TRAPPC9: variants seen among roughly 807,000 people sequenced by gnomAD.
TRAPPC9 encodes trafficking protein particle complex subunit 9, also known as IKK2 binding protein.
TRAPPC9 carries 83 observed loss-of-function variants against 124.0 expected under a neutral mutation model. That is an observed-to-expected ratio of 0.67 (90% CI 0.56 to 0.80). The LOEUF is 0.80. Among genes scored for constraint, TRAPPC9 ranks in the 30% least tolerant of loss-of-function variants. TRAPPC9 has a pLI of 0.00. For missense variants in TRAPPC9, 1,302 were observed against 1,508.3 expected (o/e 0.86, Z 2.27); for synonymous variants, 638 against 617.5 (o/e 1.03, Z -0.49).
At chr8:140,111,669 G>A (rs898147602) in intron 17 of TRAPPC9, among the ~76,000 whole-genome samples, 8 of 152,224 alleles carry the variant, frequency 5.3e-5, no homozygotes, top group African/African-American at 1.9e-4. Context: ...GAGTCCCAAT[G>A]TGTGTATGAG....
At chr8:139,814,397 G>C (rs775295464) in intron 21 of TRAPPC9, among the ~76,000 whole-genome samples, 1 of 152,180 alleles carries the variant, frequency 6.6e-6, no homozygotes, top group Non-Finnish European at 1.5e-5. Context: ...CTCAGCTTGG[G>C]AGAGCAGACT....
intron 21 of TRAPPC9, among the ~76,000 whole-genome samples, chr8:139,858,941 G>A (rs940890628): frequency 9.5e-5 from 14 of 147,524 alleles, no homozygotes; most frequent in African/African-American, 3.0e-4. Context: ...TCTAGAAGCC[G>A]TCTCCTCTGC....
intron 21 of TRAPPC9, among the ~76,000 whole-genome samples, chr8:139,813,193 C>A (rs1269107761): frequency 1.3e-5 from 2 of 152,228 alleles, no homozygotes; most frequent in Non-Finnish European, 1.5e-5. Flanking sequence ...GCAAACTAGG[C>A]CCACTCTGAT....
chr8:140,252,950 G>A lies in TRAPPC9; in HGVS notation c.2279-21C>T, dbSNP rs753391169. On this transcript the variant is annotated intron_variant, in intron 15 of 22. Transcript: ENST00000438773. This position sits in a 1 kb window ranked among gnomAD's most constrained non-coding sequence, Gnocchi z 4.2. Reference sequence around the variant, plus strand: ...TTTTTCTGTAATAATAACAATGACAGTGATGAGGATGCTGTAACTGAGGCA... The same window carrying A: ...TTTTTCTGTAATAATAACAATGACAATGATGAGGATGCTGTAACTGAGGCA... The A allele has an allele frequency of 1.7e-5, 27 of 1,612,952 alleles. No individual in the cohort carries two copies. Among genetic ancestry groups the A allele is most frequent in the Non-Finnish European group, 2.3e-5 (27 of 1,179,728 alleles).
rs779503724 is a variant in TRAPPC9, at chr8:139,732,215, C to T, written c.3056-13G>A. On this transcript the variant is annotated splice_polypyrimidine_tract_variant and intron_variant, in intron 21 of 22. Coordinates refer to ENST00000438773, the MANE Select transcript of TRAPPC9 (RefSeq NM_001160372.4). ...TCCACCAGCACATCTGTAAGGGACA[C>T]GAGACTGTCGGGGGCTGGGCTGGCC... is the stretch of plus-strand genomic sequence containing the variant. 53 of 1,568,020 alleles carry T rather than the reference C, an allele frequency of 3.4e-5. No individual in the cohort carries two copies. The highest frequency in any genetic ancestry group is 1.6e-4 in the Admixed American group (9 of 56,006).
chr8:139,921,575 C>G (rs1015574642), intron 19 of TRAPPC9, among the ~76,000 whole-genome samples: 1 of 152,030 alleles, frequency 6.6e-6, no homozygotes, highest in African/African-American at 2.4e-5. Context: ...GAAGTGTTGA[C>G]CAAGTTAAGA....
intron 15 of TRAPPC9, among the ~76,000 whole-genome samples, chr8:140,274,893 A>G (rs1459269792): frequency 6.6e-6 from 1 of 152,214 alleles, no homozygotes; most frequent in Non-Finnish European, 1.5e-5. Flanking sequence ...TCAAAAGCAC[A>G]TAAAACACCC....
chr8:140,302,897 C>G (rs2066022043), intron 10 of TRAPPC9: 1 of 152,144 alleles, frequency 6.6e-6, no homozygotes, highest in Non-Finnish European at 1.5e-5. Flanking sequence ...ATCCTGAATG[C>G]TGCTATACAT....
At chr8:139,970,091 T>G (rs1835965825) in intron 19 of TRAPPC9, among the ~76,000 whole-genome samples, 1 of 152,214 alleles carries the variant, frequency 6.6e-6, no homozygotes, top group Non-Finnish European at 1.5e-5. Flanking sequence ...CAGCCTGTTT[T>G]CTACGAGACC....
At chr8:140,332,603 T>C (rs1159171321) in intron 9 of TRAPPC9, among the ~76,000 whole-genome samples, 1 of 152,058 alleles carries the variant, frequency 6.6e-6, no homozygotes, top group Non-Finnish European at 1.5e-5. Flanking sequence ...AATTACTGTA[T>C]CAATTAAAAA....
At position 140,269,557 on chromosome 8, in the gene TRAPPC9, T is replaced by TA. The variant is rs1399978566; in HGVS notation, c.2278+6100dup. 1.4e-3 allele frequency among the ~76,000 whole-genome samples: 32 copies of TA among 23,458 alleles called. 1 individual carries two copies. The highest frequency in any genetic ancestry group is 7.0e-3 in the South Asian group (8 of 1,148). 15.4% of individuals were successfully genotyped at this position (23,458 alleles called of 152,430 possible). On this transcript the variant is annotated intron_variant, in intron 15 of 22. Coordinates refer to ENST00000438773, the MANE Select transcript of TRAPPC9 (RefSeq NM_001160372.4). Reference sequence around the variant, plus strand: ...CTCTGTCTCAAAAAATAAAATAAAATAAATAAATAAATAAATAAATAAATA... The same window carrying TA: ...CTCTGTCTCAAAAAATAAAATAAAATAAAATAAATAAATAAATAAATAAATA...
intron 10 of TRAPPC9, among the ~76,000 whole-genome samples, chr8:140,310,839 G>A (rs1372690073): frequency 6.6e-6 from 1 of 151,842 alleles, no homozygotes; most frequent in African/African-American, 2.4e-5. Context: ...GCAAGTGCTT[G>A]TGTGGGCGAG....
chr8:140,225,847 C>T (rs1010270412), intron 16 of TRAPPC9, among the ~76,000 whole-genome samples: 1 of 152,186 alleles, frequency 6.6e-6, no homozygotes, highest in Non-Finnish European at 1.5e-5. Flanking sequence ...TACAGCCTGG[C>T]CAGCTCCTCC....
At chr8:140,278,271 T>G (rs1247093475) in intron 14 of TRAPPC9, among the ~76,000 whole-genome samples, 1 of 152,090 alleles carries the variant, frequency 6.6e-6, no homozygotes, top group African/African-American at 2.4e-5. Flanking sequence ...GCCCAGCTAA[T>G]TTTTTTGTAT....
In TRAPPC9 at chr8:140,063,895, G is replaced by C. The variant is rs573265915; in HGVS notation, c.2557-39816C>G. On this transcript the variant is annotated intron_variant, in intron 17 of 22. Coordinates refer to ENST00000438773, the MANE Select transcript of TRAPPC9 (RefSeq NM_001160372.4). This position sits in a 1 kb window ranked among gnomAD's most constrained non-coding sequence, Gnocchi z 4.3. ...AAATGCAAGGCACACGGGTGGCCCT[G>C]CCTCCCGAAACATGCTGGCCCCTGC... Among the ~76,000 whole-genome samples, 10 of 152,060 alleles carry C rather than the reference G, an allele frequency of 6.6e-5. No individual in the cohort carries two copies. Among genetic ancestry groups the C allele is most frequent in the Non-Finnish European group, 1.3e-4 (9 of 68,018 alleles).
At chr8:140,160,038 T>G (rs756860826) in intron 17 of TRAPPC9, among the ~76,000 whole-genome samples, 1 of 152,080 alleles carries the variant, frequency 6.6e-6, no homozygotes, top group Non-Finnish European at 1.5e-5. Context: ...AACAGACACA[T>G]GAAAAAACGC....
At chr8:139,784,621 A>ATATATT (rs1177276210) in intron 21 of TRAPPC9, among the ~76,000 whole-genome samples, 5 of 131,164 alleles carry the variant, frequency 3.8e-5, no homozygotes, top group Non-Finnish European at 8.3e-5. Context: ...ATATATATAT[A>ATATATT]TATATATATA....
intron 18 of TRAPPC9, among the ~76,000 whole-genome samples, chr8:140,001,242 G>C (rs1675222250): frequency 1.3e-5 from 2 of 152,092 alleles, no homozygotes; most frequent in Admixed American, 1.3e-4. Context: ...CGCACACCAG[G>C]GGGGTGAGGG....
intron 21 of TRAPPC9, among the ~76,000 whole-genome samples, chr8:139,789,481 G>A (rs368208973): frequency 3.9e-5 from 6 of 152,240 alleles, no homozygotes; most frequent in South Asian, 4.2e-4. Flanking sequence ...CCCCCCCCAG[G>A]ATATCTACAT....
Sources: gnomAD v4.1 joint callset for allele counts (sites outside exome capture counted in the v4.1 genomes callset) on GRCh38, gnomAD v4.1.1 for gene constraint, Gnocchi (gnomAD v3.1) non-coding constraint, MANE v1.5 for transcripts, NCBI Gene and HGNC (gene_info 2026-07-23, HGNC 2026-07-21) for gene names.